The following IPCEF1 variants were observed in gnomAD, a reference collection of about 807,000 sequenced individuals.
The protein encoded by IPCEF1 is interactor protein for cytohesin exchange factors 1.
IPCEF1 carries 31 observed loss-of-function variants against 50.9 expected under a neutral mutation model. That is an observed-to-expected ratio of 0.61 (90% CI 0.46 to 0.82). IPCEF1 has a LOEUF of 0.82. Ranked by LOEUF, IPCEF1 falls within the 40% of genes least tolerant of loss-of-function variation. The pLI, the probability that IPCEF1 is intolerant of heterozygous loss-of-function variation, is 0.00. For missense variants in IPCEF1, 458 were observed against 514.0 expected (o/e 0.89, Z 1.05); for synonymous variants, 181 against 192.0 (o/e 0.94, Z 0.47).
chr6:154,226,160 A>G (rs1425269839), intron 5 of IPCEF1, among the ~76,000 whole-genome samples: 1 of 152,104 alleles, frequency 6.6e-6, no homozygotes, highest in Non-Finnish European at 1.5e-5. Flanking sequence ...AAAACTCTCT[A>G]TGGATGATCA....
chr6:154,265,217 T>A (rs555350225), intron 3 of IPCEF1, among the ~76,000 whole-genome samples: 1 of 152,146 alleles, frequency 6.6e-6, no homozygotes, highest in Non-Finnish European at 1.5e-5. Context: ...CACTTACCTA[T>A]CTTAGGCAAA....
chr6:154,334,881 G>T (rs1353822882), intron 1 of IPCEF1, among the ~76,000 whole-genome samples: 3 of 152,016 alleles, frequency 2.0e-5, no homozygotes, highest in Non-Finnish European at 4.4e-5. Context: ...AAGCCTCAAG[G>T]TCTCTCTGAT....
intron 3 of IPCEF1, among the ~76,000 whole-genome samples, chr6:154,257,104 T>C (rs1368839840): frequency 5.3e-5 from 8 of 152,234 alleles, no homozygotes; most frequent in African/African-American, 1.9e-4. Flanking sequence ...GAAACATCTG[T>C]ATATCCTGTC....
chr6:154,246,705 G>C lies in IPCEF1; in HGVS notation c.132C>G (p.Asp44Glu). 1 of 1,614,088 alleles carries C rather than the reference G, an allele frequency of 6.2e-7. No homozygotes were observed. Among genetic ancestry groups the C allele is most frequent in the African/African-American group, 1.3e-5 (1 of 75,012 alleles). ...TTTTCTTATACAGCCACCCTTGGCA[G>C]TCAGCATGGCCCAGATCTTTACACG... Reference protein sequence around the residue: ...RISCKDLGHADCQGWLYKKKE... With the variant: ...RISCKDLGHAECQGWLYKKKE... The change falls in exon 5 of 12, where the codon GAC (aspartate) becomes GAG (glutamate). Residue 44 changes from aspartate to glutamate, a missense_variant. Coordinates refer to ENST00000367220, the MANE Select transcript of IPCEF1 (RefSeq NM_001130700.2).
At chr6:154,298,734 C>T (rs868774755) in intron 1 of IPCEF1, among the ~76,000 whole-genome samples, 10 of 152,070 alleles carry the variant, frequency 6.6e-5, no homozygotes, top group African/African-American at 1.4e-4. Context: ...GAGGCTGAGG[C>T]GGATGGATCA....
chr6:154,175,753 G>C (rs1182538800), intron 10 of IPCEF1, among the ~76,000 whole-genome samples: 2 of 152,178 alleles, frequency 1.3e-5, no homozygotes, highest in Non-Finnish European at 2.9e-5. Context: ...ACAAAGAGGA[G>C]CTGGTACCAT....
At chr6:154,252,813 A>G (rs1781369982) in intron 3 of IPCEF1, among the ~76,000 whole-genome samples, 1 of 152,230 alleles carries the variant, frequency 6.6e-6, no homozygotes, top group Non-Finnish European at 1.5e-5. Context: ...AAATAAAGAC[A>G]GCATTGCAGA....
chr6:154,214,664 T>C (rs777191728), intron 7 of IPCEF1, among the ~76,000 whole-genome samples: 136 of 152,344 alleles, frequency 8.9e-4, no homozygotes, highest in Middle Eastern at 6.8e-3. Context: ...AATAATGTCT[T>C]AATAATGTCA....
chr6:154,318,155 A>G lies in IPCEF1; in HGVS notation c.-61-28399T>C, dbSNP rs185851319. Among the ~76,000 whole-genome samples the G allele has an allele frequency of 1.7e-3, 260 of 152,290 alleles. 3 individuals carry two copies. Among genetic ancestry groups the G allele is most frequent in the African/African-American group, 6.0e-3 (250 of 41,576 alleles). The stretch of plus-strand genomic sequence containing the variant: ...AACAGGCAAGACTAACCTTTGGAGA[A>G]AGAAATCTGAACAGTGGTTGCCCTG... On this transcript the variant is annotated intron_variant, in intron 1 of 11. Coordinates refer to ENST00000367220, the MANE Select transcript of IPCEF1 (RefSeq NM_001130700.2).
intron 10 of IPCEF1, among the ~76,000 whole-genome samples, chr6:154,189,380 T>C (rs902535933): frequency 6.6e-6 from 1 of 152,160 alleles, no homozygotes; most frequent in Non-Finnish European, 1.5e-5. Flanking sequence ...CATTTCCAGG[T>C]GTATACCCGT....
chr6:154,214,260 C>T lies in IPCEF1; in HGVS notation c.409G>A (p.Gly137Arg). Residue 137 changes from glycine to arginine, a missense_variant, in exon 8 of 12, where the codon GGA becomes AGA. By Grantham distance (125) the Gly-to-Arg change is moderately radical. Transcript: ENST00000367220. ...GATTCCTGATGGATTACAGCCGATC[C>T]AAGTTTATTTAACCACCTAAAATTC... ...QEMNVWLNKL[G>R]SAVIHQESTT... The T allele has an allele frequency of 6.2e-7, 1 of 1,610,768 alleles. No individual in the cohort carries two copies. Among genetic ancestry groups the T allele is most frequent in the South Asian group, 1.1e-5 (1 of 91,000 alleles).
Position 154,159,794 on chromosome 6 carries a change from A to C in IPCEF1, c.*34T>G. On this transcript the variant is annotated 3_prime_UTR_variant, in exon 12 of 12. Coordinates refer to ENST00000367220, the MANE Select transcript of IPCEF1 (RefSeq NM_001130700.2). The stretch of plus-strand genomic sequence containing the variant: ...GCAACATCTTGAAGAGTTGCTTGTG[A>C]TAAAATATAAGAGGAGAAAACCCTG... The C allele has an allele frequency of 2.0e-6, 3 of 1,528,174 alleles. No homozygotes were observed. The highest frequency in any genetic ancestry group is 2.7e-6 in the Non-Finnish European group (3 of 1,110,664). The allele number at this position is 1,528,174 out of a possible 1,614,324, so 94.7% of individuals were successfully genotyped here.
chr6:154,285,148 A>C (rs1782329360), intron 2 of IPCEF1, among the ~76,000 whole-genome samples: 1 of 152,262 alleles, frequency 6.6e-6, no homozygotes, highest in African/African-American at 2.4e-5. Context: ...TTTTCTGTGT[A>C]AACTAACATA....
chr6:154,247,384 C>T (rs1781143465), intron 4 of IPCEF1, 65 bp downstream of exon 4: 2 of 1,317,964 alleles, frequency 1.5e-6, no homozygotes, highest in Admixed American at 1.7e-5. Flanking sequence ...AGGAAGGCAC[C>T]CCGGAGAAAA....
intron 2 of IPCEF1, among the ~76,000 whole-genome samples, chr6:154,276,614 A>T (rs917127416): frequency 1.3e-5 from 2 of 152,228 alleles, no homozygotes; most frequent in Admixed American, 6.5e-5. Flanking sequence ...CATAGCTAGC[A>T]AGTTAAAGCC....
rs564784714 is a variant in IPCEF1, at chr6:154,335,059, T to C, written c.-62+21613A>G. ...AAACAGATCGTGTCACAAGATAATG[T>C]CACAGTATTTTGGGAGGCCAGGATG... On this transcript the variant is annotated intron_variant, in intron 1 of 11. Transcript: ENST00000367220. 3.3e-4 allele frequency among the ~76,000 whole-genome samples: 50 copies of C among 152,180 alleles called. 1 individual carries two copies. The highest frequency in any genetic ancestry group is 3.2e-3 in the Admixed American group (49 of 15,280).
chr6:154,356,365 T>C (rs566409656), intron 1 of IPCEF1, among the ~76,000 whole-genome samples: 4 of 152,316 alleles, frequency 2.6e-5, no homozygotes, highest in Admixed American at 1.3e-4. Context: ...AAATACATGC[T>C]GAATTGTGCT....
intron 3 of IPCEF1, among the ~76,000 whole-genome samples, chr6:154,262,707 A>G (rs1781630664): frequency 6.9e-6 from 1 of 145,280 alleles, no homozygotes; most frequent in Admixed American, 6.7e-5. Flanking sequence ...GGATCCAACA[A>G]TCCTAATCCT....
chr6:154,263,440 G>A (rs1200223563), intron 3 of IPCEF1, among the ~76,000 whole-genome samples: 1 of 132,366 alleles, frequency 7.6e-6, no homozygotes, highest in Non-Finnish European at 1.6e-5. Flanking sequence ...AGGGAGTGGT[G>A]ATGACTCTTA....
Sources: allele counts gnomAD v4.1 joint callset (sites outside exome capture counted in the v4.1 genomes callset), GRCh38; gene constraint gnomAD v4.1.1; transcripts MANE v1.5; gene names NCBI Gene and HGNC (gene_info 2026-07-23, HGNC 2026-07-21).